The following PTPRT variants were observed in gnomAD, a reference collection of about 807,000 sequenced individuals.
PTPRT encodes protein tyrosine phosphatase receptor type T.
A neutral mutation model predicts 176.8 loss-of-function variants in PTPRT; 56 were observed. The ratio of observed to expected loss-of-function variants is 0.32; its 90% CI spans 0.26 to 0.40. PTPRT has a LOEUF of 0.40. Ranked by LOEUF, PTPRT falls within the 10% of genes least tolerant of loss-of-function variation. The probability of loss-of-function intolerance (pLI) is 1.00; values close to 1 mark genes in which losing one functional copy is unlikely to be tolerated. For missense variants in PTPRT, 1,540 were observed against 1,908.2 expected, an observed-to-expected ratio of 0.81 and a Z score of 3.60; for synonymous variants, 783 against 739.0, an observed-to-expected ratio of 1.06 and a Z score of -0.96.
At chr20:42,290,170 G>A (rs1448020847) in intron 12 of PTPRT, among the ~76,000 whole-genome samples, 1 of 151,970 alleles carries the variant, frequency 6.6e-6, no homozygotes, top group African/African-American at 2.4e-5. Flanking sequence ...ATAAGTCTCT[G>A]GGGAATGGAA....
At chr20:42,841,879 T>A (rs2078285096) in intron 2 of PTPRT, among the ~76,000 whole-genome samples, 1 of 152,230 alleles carries the variant, frequency 6.6e-6, no homozygotes. Flanking sequence ...GCCACTCTCC[T>A]TAAAACACTG....
At position 42,387,836 on chromosome 20, in the gene PTPRT, G is replaced by A. The variant is rs960459934; in HGVS notation, c.1561-35551C>T. On this transcript the variant is annotated intron_variant, in intron 9 of 30. Coordinates refer to ENST00000373187, the MANE Select transcript of PTPRT (RefSeq NM_007050.6). ...AGATGAAGTCTCGCCCTGTCGCCCA[G>A]ACTGCAGTGCAATGGCGCAATCTTG... 6.8e-5 allele frequency among the ~76,000 whole-genome samples: 10 copies of A among 147,968 alleles called. 1 individual carries two copies. Among genetic ancestry groups the A allele is most frequent in the Non-Finnish European group, 1.5e-4 (10 of 67,578 alleles).
chr20:43,148,174 C>T (rs1265634256), intron 1 of PTPRT, among the ~76,000 whole-genome samples: 3 of 152,144 alleles, frequency 2.0e-5, no homozygotes, highest in Non-Finnish European at 4.4e-5. Flanking sequence ...CACACCTGCC[C>T]TTCACTCCCA....
At chr20:42,460,783 T>C (rs2071005142) in intron 8 of PTPRT, among the ~76,000 whole-genome samples, 1 of 152,228 alleles carries the variant, frequency 6.6e-6, no homozygotes, top group Non-Finnish European at 1.5e-5. Context: ...GCCACGATTG[T>C]AAATTTTCTG....
At chr20:43,080,433 T>G (rs1182205850) in intron 1 of PTPRT, among the ~76,000 whole-genome samples, 1 of 152,272 alleles carries the variant, frequency 6.6e-6, no homozygotes, top group Non-Finnish European at 1.5e-5. Context: ...AAAAGCTGAC[T>G]GATATACAAC....
intron 13 of PTPRT, among the ~76,000 whole-genome samples, chr20:42,262,770 T>C (rs1007807047): frequency 3.4e-5 from 5 of 148,594 alleles, no homozygotes; most frequent in African/African-American, 5.0e-5. Flanking sequence ...AAAGAGTTGA[T>C]AGAAACCAAA....
chr20:42,122,689 C>T (rs1987649554), intron 19 of PTPRT, among the ~76,000 whole-genome samples: 1 of 152,252 alleles, frequency 6.6e-6, no homozygotes, highest in African/African-American at 2.4e-5. Flanking sequence ...CCTGCAGTTT[C>T]ACTCTGTAGC....
chr20:42,066,032 TATTAC>T, the PTPRT span, among the ~76,000 whole-genome samples: 1 of 134,372 alleles, frequency 7.4e-6, no homozygotes, highest in East Asian at 2.2e-4. Context: ...GGACTTAGTA[TATTAC>T]TTTTTTTTTT....
chr20:43,051,426 T>A (rs1460806962), intron 1 of PTPRT, among the ~76,000 whole-genome samples: 1 of 152,160 alleles, frequency 6.6e-6, no homozygotes, highest in Non-Finnish European at 1.5e-5. Flanking sequence ...CAGATGTGAA[T>A]CTGTAATAAC....
chr20:42,661,182 T>C (rs1351427414), intron 7 of PTPRT, among the ~76,000 whole-genome samples: 17 of 151,468 alleles, frequency 1.1e-4, no homozygotes, highest in Admixed American at 1.1e-3. Context: ...AAATGGAGAG[T>C]GAGGAGGAGG....
intron 7 of PTPRT, among the ~76,000 whole-genome samples, chr20:42,487,789 G>C (rs1006418198): frequency 6.6e-6 from 1 of 152,104 alleles, no homozygotes; most frequent in Non-Finnish European, 1.5e-5. Context: ...TAACTGCTAC[G>C]CTTATGGTGA....
intron 2 of PTPRT, among the ~76,000 whole-genome samples, chr20:42,872,136 T>G (rs1287953627): frequency 6.6e-6 from 1 of 152,226 alleles, no homozygotes; most frequent in Non-Finnish European, 1.5e-5. Context: ...ATTGGCAGAT[T>G]TGAGGAAAGT....
Position 43,109,090 on chromosome 20 carries a change from G to A in PTPRT, c.88+80556C>T, listed in dbSNP as rs147590712. 3.2e-3 allele frequency among the ~76,000 whole-genome samples: 489 copies of A among 151,742 alleles called. 4 individuals are homozygous for A. The highest frequency in any genetic ancestry group is 0.01 in the African/African-American group (429 of 41,376). ...TCCCATTTTCTATTTTTTTTTCCCC[G>A]CTTTCCCTTTCTCTGCTGTTTTCCT... On this transcript the variant is annotated intron_variant, in intron 1 of 30. Coordinates refer to ENST00000373187, the MANE Select transcript of PTPRT (RefSeq NM_007050.6).
intron 6 of PTPRT, among the ~76,000 whole-genome samples, chr20:42,727,266 C>A (rs375832733): frequency 5.3e-5 from 8 of 152,162 alleles, no homozygotes; most frequent in African/African-American, 1.7e-4. Context: ...TCTTAGATAT[C>A]TAATCCTATG....
chr20:42,851,599 C>T (rs1406921439), intron 2 of PTPRT, among the ~76,000 whole-genome samples: 2 of 152,212 alleles, frequency 1.3e-5, no homozygotes, highest in Admixed American at 6.5e-5. Context: ...GCTATTGCTT[C>T]AGCTCAAGTT....
At chr20:43,180,134 G>A (rs1035624838) in intron 1 of PTPRT, among the ~76,000 whole-genome samples, 5 of 152,172 alleles carry the variant, frequency 3.3e-5, no homozygotes, top group Admixed American at 1.3e-4. Context: ...CTTGGCTTGA[G>A]CTGGGACATC....
At chr20:42,231,222 C>A (rs560794811) in intron 15 of PTPRT, among the ~76,000 whole-genome samples, 194 of 152,358 alleles carry the variant, frequency 1.3e-3, no homozygotes, top group Admixed American at 4.4e-3. Flanking sequence ...GTACCTGGCT[C>A]TTCTTCAACC....
chr20:43,062,670 G>A (rs139831308), intron 1 of PTPRT, among the ~76,000 whole-genome samples: 66 of 152,260 alleles, frequency 4.3e-4, no homozygotes, highest in Middle Eastern at 3.4e-3. Flanking sequence ...AAGAATTCAT[G>A]TTTATATATG....
At chr20:42,749,445 C>T (rs571948379) in intron 6 of PTPRT, among the ~76,000 whole-genome samples, 54 of 152,298 alleles carry the variant, frequency 3.5e-4, no homozygotes, top group Non-Finnish European at 1.5e-5. Context: ...TAGCTCACAC[C>T]TGAATGCAGG....
Sources: gnomAD v4.1 joint callset for allele counts (sites outside exome capture counted in the v4.1 genomes callset) on GRCh38, gnomAD v4.1.1 for gene constraint, MANE v1.5 for transcripts, NCBI Gene and HGNC (gene_info 2026-07-23, HGNC 2026-07-21) for gene names.